Variants in KSR2 observed in about 807,000 individuals in gnomAD.
KSR2 encodes the protein kinase suppressor of ras 2.
Under a neutral mutation model 107.8 loss-of-function variants are expected in KSR2, and 25 were observed. The observed-to-expected ratio is 0.23, with a 90% CI of 0.17 to 0.32. The LOEUF (loss-of-function observed/expected upper bound fraction) is 0.32. KSR2 is among the 10% of genes least tolerant of loss of function. The probability of loss-of-function intolerance (pLI) is 1.00; values close to 1 mark genes in which losing one functional copy is unlikely to be tolerated. For missense variants in KSR2, 887 were observed against 1,268.9 expected (o/e 0.70, Z 4.57); for synonymous variants, 480 against 507.0 (o/e 0.95, Z 0.71).
chr12:117,795,745 C>A (rs1338423917), intron 3 of KSR2, among the ~76,000 whole-genome samples: 3 of 152,278 alleles, frequency 2.0e-5, no homozygotes, highest in East Asian at 3.9e-4. Flanking sequence ...CCTCCCGCCT[C>A]AACCTCCCGA....
At chr12:117,772,236 G>T (rs1182686314) in intron 3 of KSR2, among the ~76,000 whole-genome samples, 1 of 37,108 alleles carries the variant, frequency 2.7e-5, no homozygotes, top group African/African-American at 1.5e-4. Flanking sequence ...TCCCCCAGAC[G>T]CACAAACACT....
chr12:117,598,662 C>A (rs764611875), intron 5 of KSR2, among the ~76,000 whole-genome samples: 36 of 152,040 alleles, frequency 2.4e-4, no homozygotes, highest in Non-Finnish European at 4.4e-4. Context: ...GCCATTCTTG[C>A]AGGAGTAAGG....
intron 7 of KSR2, among the ~76,000 whole-genome samples, chr12:117,561,365 A>T (rs554202820): frequency 6.6e-6 from 1 of 152,360 alleles, no homozygotes; most frequent in African/African-American, 2.4e-5. Flanking sequence ...AAGAACTAAC[A>T]TGTTTGATGT....
intron 1 of KSR2, among the ~76,000 whole-genome samples, chr12:117,960,520 AGG>A (rs1896630110): frequency 6.6e-6 from 1 of 152,146 alleles, no homozygotes; most frequent in African/African-American, 2.4e-5. Context: ...CAGAGAAGTG[AGG>A]CACTGTAGCC....
At chr12:117,710,305 G>A (rs774636910) in intron 4 of KSR2, among the ~76,000 whole-genome samples, 5 of 152,112 alleles carry the variant, frequency 3.3e-5, no homozygotes, top group Non-Finnish European at 5.9e-5. Flanking sequence ...TTCATTATCC[G>A]CCTCTCATCT....
chr12:117,904,482 C>T (rs563897828), intron 1 of KSR2, among the ~76,000 whole-genome samples: 8 of 152,214 alleles, frequency 5.3e-5, no homozygotes, highest in South Asian at 4.2e-4. Flanking sequence ...TAAATGCAGA[C>T]GGTCGTTAAG....
At chr12:117,473,056 A>G (rs1329245784) in intron 17 of KSR2, among the ~76,000 whole-genome samples, 4 of 152,228 alleles carry the variant, frequency 2.6e-5, no homozygotes, top group African/African-American at 9.6e-5. Context: ...CCCAGCCCCT[A>G]TACACCAGAG....
At chr12:117,657,717 C>T (rs1045930358) in intron 5 of KSR2, among the ~76,000 whole-genome samples, 1 of 152,208 alleles carries the variant, frequency 6.6e-6, no homozygotes. Context: ...TGTCCTTTGC[C>T]ATCTAGGTCC....
intron 4 of KSR2, among the ~76,000 whole-genome samples, chr12:117,712,244 C>T (rs555036811): frequency 5.3e-5 from 8 of 152,300 alleles, no homozygotes; most frequent in East Asian, 3.9e-4. Context: ...GATGCCTGCA[C>T]GCTCCTCTCA....
At chr12:117,604,944 T>C (rs772581151) in intron 5 of KSR2, among the ~76,000 whole-genome samples, 1 of 152,192 alleles carries the variant, frequency 6.6e-6, no homozygotes, top group African/African-American at 2.4e-5. Context: ...GAAATTCAGA[T>C]TTTTATATAA....
intron 5 of KSR2, among the ~76,000 whole-genome samples, chr12:117,586,289 G>T (rs1218945208): frequency 1.3e-5 from 2 of 151,916 alleles, no homozygotes. Context: ...AAGAAAATAA[G>T]AAATAAGAAA....
intron 4 of KSR2, among the ~76,000 whole-genome samples, chr12:117,668,421 TGCCTCACA>T (rs1437277827): frequency 1.3e-5 from 2 of 152,130 alleles, no homozygotes; most frequent in Non-Finnish European, 2.9e-5. Context: ...TCTGATGGGG[TGCCTCACA>T]GCCTCACAGG....
chr12:117,479,211 G>C (rs939615412), intron 16 of KSR2, among the ~76,000 whole-genome samples: 1 of 152,168 alleles, frequency 6.6e-6, no homozygotes, highest in Non-Finnish European at 1.5e-5. Flanking sequence ...ACCCAAAACA[G>C]GGACTGTAGG....
At chr12:117,865,748 T>G (rs1566057852) in intron 1 of KSR2, among the ~76,000 whole-genome samples, 1 of 152,132 alleles carries the variant, frequency 6.6e-6, no homozygotes, top group African/African-American at 2.4e-5. Flanking sequence ...ATTGAAAAAC[T>G]AGGCTAAGAC....
At chr12:117,841,852 C>T (rs1354090933) in intron 3 of KSR2, among the ~76,000 whole-genome samples, 1 of 152,218 alleles carries the variant, frequency 6.6e-6, no homozygotes, top group Non-Finnish European at 1.5e-5. Flanking sequence ...AATAATCCTA[C>T]GGACCTCATG....
At chr12:117,524,634 T>C (rs2137234374) in intron 14 of KSR2, among the ~76,000 whole-genome samples, 1 of 152,278 alleles carries the variant, frequency 6.6e-6, no homozygotes, top group South Asian at 2.1e-4. Context: ...ACCACTGCAT[T>C]CAAGCCTGGG....
At chr12:117,959,902 G>A (rs1236246381) in intron 1 of KSR2, among the ~76,000 whole-genome samples, 1 of 151,210 alleles carries the variant, frequency 6.6e-6, no homozygotes, top group Admixed American at 6.6e-5. Flanking sequence ...CTGCACTGCA[G>A]CCTGGGTGAC....
chr12:117,671,011 A>G (rs1053338027), intron 4 of KSR2, among the ~76,000 whole-genome samples: 4 of 152,158 alleles, frequency 2.6e-5, no homozygotes, highest in African/African-American at 9.7e-5. Context: ...ACATGCTGGA[A>G]AAGACCCAAT....
intron 13 of KSR2, 45 bp from the exon 14 acceptor site, chr12:117,525,264 C>T (rs778540747): frequency 4.6e-6 from 7 of 1,520,008 alleles, no homozygotes. Context: ...TCTGCCACTG[C>T]CCCAGCCTCC....
Sources: gnomAD v4.1 joint callset for allele counts (sites outside exome capture counted in the v4.1 genomes callset) on GRCh38, gnomAD v4.1.1 for gene constraint, MANE v1.5 for transcripts, NCBI Gene and HGNC (gene_info 2026-07-23, HGNC 2026-07-21) for gene names.